RGS6: variants seen among roughly 807,000 people sequenced by gnomAD.
The protein encoded by RGS6 is regulator of G protein signaling 6.
RGS6 carries 30 observed loss-of-function variants against 78.5 expected under a neutral mutation model. The observed-to-expected ratio is 0.38, with a 90% CI of 0.29 to 0.52. The LOEUF (loss-of-function observed/expected upper bound fraction) is 0.52, where lower values mean the gene tolerates loss of function less well. Ranked by LOEUF, RGS6 falls within the 20% of genes least tolerant of loss-of-function variation. The pLI, the probability that RGS6 is intolerant of heterozygous loss-of-function variation, is 0.85. For missense variants in RGS6, 495 were observed against 609.7 expected (o/e 0.81, Z 1.98); for synonymous variants, 206 against 206.0 (o/e 1.00, Z 0.00).
intron 7 of RGS6, 64 bp from the exon 8 acceptor site, chr14:72,469,943 A>C: frequency 8.7e-7 from 1 of 1,155,682 alleles, no homozygotes; most frequent in Non-Finnish European, 1.3e-6. Flanking sequence ...TATAATAAGC[A>C]TAGGTGTCGA....
intron 2 of RGS6, among the ~76,000 whole-genome samples, chr14:72,306,104 A>C (rs2067177391): frequency 6.6e-6 from 1 of 152,216 alleles, no homozygotes; most frequent in African/African-American, 2.4e-5. Flanking sequence ...TACCATTCCA[A>C]AAATCATACA....
chr14:71,918,184 C>CAA, the RGS6 span, among the ~76,000 whole-genome samples: 120 of 33,726 alleles, frequency 3.6e-3, 38 homozygotes, highest in East Asian at 5.1e-3. Context: ...ACTCCAGTCT[C>CAA]AAAAAAAAAA....
chr14:72,444,070 C>T (rs1039260502), intron 3 of RGS6, among the ~76,000 whole-genome samples: 2 of 152,200 alleles, frequency 1.3e-5, no homozygotes, highest in Admixed American at 6.5e-5. Context: ...CCTCCACCCC[C>T]ACGTCTGCTG....
At chr14:72,383,786 G>A (rs2086977814) in intron 3 of RGS6, among the ~76,000 whole-genome samples, 1 of 152,050 alleles carries the variant, frequency 6.6e-6, no homozygotes, top group Non-Finnish European at 1.5e-5. Flanking sequence ...TACGGTAAAT[G>A]CAGGCTTTCA....
chr14:72,562,466 G>GACCGTTCCT lies in RGS6; in HGVS notation c.*4_*12dup, dbSNP rs778661990. 6.2e-6 allele frequency: 10 copies of GACCGTTCCT among 1,612,528 alleles called. No individual in the cohort carries two copies. In the South Asian group the frequency reaches 1.1e-4, roughly 18 times the overall value. On this transcript the variant is annotated inframe_insertion and stop_retained_variant, in exon 18 of 18. Coordinates refer to ENST00000553525, the MANE Select transcript of RGS6 (RefSeq NM_001204424.2). ...CTCACGGGCCTGATGCAGTCCTCCT[G>GACCGTTCCT]ACCGTTCCTACCGCAGGTCCAGGGC...
At chr14:72,414,011 T>G (rs113090020) in intron 3 of RGS6, among the ~76,000 whole-genome samples, 6,438 of 152,298 alleles carry the variant, frequency 0.042, 145 homozygotes, top group Admixed American at 0.081. Flanking sequence ...ATTTTTTCCT[T>G]CATTTCAACT....
chr14:72,146,052 G>A (rs1423221493), intron 2 of RGS6, among the ~76,000 whole-genome samples: 2 of 152,048 alleles, frequency 1.3e-5, no homozygotes, highest in African/African-American at 4.8e-5. Flanking sequence ...AAGTTAATGG[G>A]CTGTCATTTG....
downstream of RGS6, chr14:72,566,645 A>T (rs1241351973): frequency 9.5e-5 from 12 of 126,650 alleles, no homozygotes; most frequent in African/African-American, 3.3e-4. Flanking sequence ...ACACACACAC[A>T]CACACACACA....
intron 5 of RGS6, among the ~76,000 whole-genome samples, chr14:72,459,149 T>C (rs1213158301): frequency 1.3e-5 from 2 of 152,070 alleles, no homozygotes; most frequent in Non-Finnish European, 2.9e-5. Context: ...CGGAGTGAAG[T>C]TTCTATTTGC....
At chr14:72,272,139 A>G (rs1595103868) in intron 2 of RGS6, among the ~76,000 whole-genome samples, 1 of 152,196 alleles carries the variant, frequency 6.6e-6, no homozygotes, top group South Asian at 2.1e-4. Context: ...TATTCTTCCT[A>G]CCACCAACCC....
the RGS6 span, among the ~76,000 whole-genome samples, chr14:71,903,983 A>G: frequency 2.6e-5 from 4 of 152,322 alleles, no homozygotes; most frequent in Admixed American, 2.0e-4. Context: ...ACAAAACAGG[A>G]CATTTCAATA....
At chr14:72,128,129 A>G (rs554044416) in intron 2 of RGS6, among the ~76,000 whole-genome samples, 30 of 152,186 alleles carry the variant, frequency 2.0e-4, no homozygotes, top group Non-Finnish European at 3.7e-4. Context: ...TAAAAAACAC[A>G]CTTATAGAAA....
intron 2 of RGS6, among the ~76,000 whole-genome samples, chr14:72,140,559 A>G (rs1051619278): frequency 6.6e-6 from 1 of 152,180 alleles, no homozygotes; most frequent in Non-Finnish European, 1.5e-5. Context: ...TTGATGACTG[A>G]TTGTTATAAG....
At chr14:72,403,893 A>G (rs900952094) in intron 3 of RGS6, among the ~76,000 whole-genome samples, 1 of 152,230 alleles carries the variant, frequency 6.6e-6, no homozygotes, top group Admixed American at 6.5e-5. Context: ...ATTTCCAGAA[A>G]GGGTCAAAAG....
chr14:71,923,271 A>T, the RGS6 span, among the ~76,000 whole-genome samples: 2 of 152,006 alleles, frequency 1.3e-5, no homozygotes, highest in Non-Finnish European at 2.9e-5. Context: ...CAGGATGGGG[A>T]TGGGAAAGGG....
chr14:72,007,072 G>A (rs1011868975), intron 2 of RGS6, among the ~76,000 whole-genome samples: 3 of 151,632 alleles, frequency 2.0e-5, no homozygotes, highest in African/African-American at 7.3e-5. Context: ...CTGCAGTAAT[G>A]TAGAAAGTAG....
At chr14:72,355,341 C>T (rs1203675097) in intron 3 of RGS6, among the ~76,000 whole-genome samples, 1 of 151,858 alleles carries the variant, frequency 6.6e-6, no homozygotes, top group Non-Finnish European at 1.5e-5. Flanking sequence ...TTACAGGCAT[C>T]CGCCACCACA....
chr14:72,610,367 T>C, the RGS6 span, among the ~76,000 whole-genome samples: 25 of 152,256 alleles, frequency 1.6e-4, no homozygotes, highest in African/African-American at 5.3e-4. Context: ...AGGAGCCACC[T>C]GCCAAAGCCC....
chr14:72,454,052 A>G (rs2095566504), intron 3 of RGS6, among the ~76,000 whole-genome samples: 1 of 152,236 alleles, frequency 6.6e-6, no homozygotes, highest in Non-Finnish European at 1.5e-5. Flanking sequence ...GTCTTGGTGA[A>G]TACATAGACG....
Sources: gnomAD v4.1 joint callset for allele counts (sites outside exome capture counted in the v4.1 genomes callset) on GRCh38, gnomAD v4.1.1 for gene constraint, MANE v1.5 for transcripts, NCBI Gene and HGNC (gene_info 2026-07-23, HGNC 2026-07-21) for gene names.